Variants in PCDHGA2 observed in about 807,000 individuals in gnomAD.
PCDHGA2 encodes the protein protocadherin gamma-A2.
A neutral mutation model predicts 59.2 loss-of-function variants in PCDHGA2; 40 were observed. The ratio of observed to expected loss-of-function variants is 0.68; its 90% CI spans 0.52 to 0.88. The LOEUF is 0.88. Ranked by LOEUF, PCDHGA2 falls within the 40% of genes least tolerant of loss-of-function variation. The probability of loss-of-function intolerance (pLI) is 0.00; values close to 1 mark genes in which losing one functional copy is unlikely to be tolerated. For missense variants in PCDHGA2, 1,226 were observed against 1,204.0 expected, an observed-to-expected ratio of 1.02 and a Z score of -0.27; for synonymous variants, 560 against 526.0, an observed-to-expected ratio of 1.06 and a Z score of -0.89.
rs749822569 is a variant in PCDHGA2, at chr5:141,371,950, C to G, written c.2424+30555C>G. On this transcript the variant is annotated intron_variant, in intron 1 of 3. Coordinates refer to ENST00000394576, the MANE Select transcript of PCDHGA2 (RefSeq NM_018915.4). Reference sequence around the variant, plus strand: ...AGCGGGGTGGTGTTCGCGCAGCGAGCCTTCGACCACGAGCAGCTGCGTGCC... The same window carrying G: ...AGCGGGGTGGTGTTCGCGCAGCGAGGCTTCGACCACGAGCAGCTGCGTGCC... 3.1e-6 allele frequency: 5 copies of G among 1,613,168 alleles called. No homozygotes were observed. The highest frequency in any genetic ancestry group is 4.2e-6 in the Non-Finnish European group (5 of 1,179,884).
rs149806642 is a variant in PCDHGA2 at position 141,502,449 on chromosome 5, A to T, written c.2484-2944A>T. 7.7e-3 allele frequency among the ~76,000 whole-genome samples: 1,166 copies of T among 151,886 alleles called. 15 individuals carry two copies. The highest frequency in any genetic ancestry group is 0.027 in the African/African-American group (1,103 of 41,308). On this transcript the variant is annotated intron_variant, in intron 2 of 3. Coordinates refer to ENST00000394576, the MANE Select transcript of PCDHGA2 (RefSeq NM_018915.4). The stretch of plus-strand genomic sequence containing the variant: ...TCTGATGGTTAGATTCAGATTACAC[A>T]CCTTGGTAGGAATACTTCCCGCAGC...
Position 141,389,309 on chromosome 5 carries a change from T to G in PCDHGA2, c.2424+47914T>G, listed in dbSNP as rs763262842. Reference sequence around the variant, plus strand: ...CCTCTATTTCACAAGTCAGGGCTTCTGATCCGGACTTGGGGCCCAACGGCC... The same window carrying G: ...CCTCTATTTCACAAGTCAGGGCTTCGGATCCGGACTTGGGGCCCAACGGCC... On this transcript the variant is annotated intron_variant, in intron 1 of 3. Transcript: ENST00000394576. 8 of 1,614,018 alleles carry G rather than the reference T, an allele frequency of 5.0e-6. No individual in the cohort carries two copies. The South Asian group carries it at 5.5e-5, about 11-fold the overall frequency.
At chr5:141,419,934 T>C (rs1427601115) in intron 1 of PCDHGA2, 3 of 1,613,952 alleles carry the variant, frequency 1.9e-6, no homozygotes, top group Non-Finnish European at 2.5e-6. Flanking sequence ...CAGTTTTACC[T>C]GGTGGTGGCC....
chr5:141,465,643 C>T (rs561758040), intron 1 of PCDHGA2, among the ~76,000 whole-genome samples: 2 of 152,306 alleles, frequency 1.3e-5, no homozygotes, highest in East Asian at 3.9e-4. Flanking sequence ...ATGCTTTGAA[C>T]ATCCCAAAAA....
chr5:141,478,186 C>T, intron 1 of PCDHGA2: 2 of 1,614,016 alleles, frequency 1.2e-6, no homozygotes, highest in Non-Finnish European at 1.7e-6. Context: ...AAAAAAATCT[C>T]ACCTTTTATC....
chr5:141,413,914 A>G (rs776089620), intron 1 of PCDHGA2: 13 of 1,613,234 alleles, frequency 8.1e-6, no homozygotes. Flanking sequence ...GCCGGTCTTC[A>G]CCTTGCCAGA....
intron 1 of PCDHGA2, among the ~76,000 whole-genome samples, chr5:141,349,462 A>G (rs1403723777): frequency 6.6e-6 from 1 of 152,194 alleles, no homozygotes; most frequent in Non-Finnish European, 1.5e-5. Flanking sequence ...ATGTATGTGT[A>G]CCCCAACACT....
At chr5:141,345,530 G>T in intron 1 of PCDHGA2, 1 of 1,614,090 alleles carries the variant, frequency 6.2e-7, no homozygotes. Flanking sequence ...TCCAGGGGGC[G>T]CCCCTGTCCT....
intron 1 of PCDHGA2, chr5:141,350,089 C>T (rs1286662794): frequency 4.4e-6 from 2 of 452,318 alleles, no homozygotes. Context: ...GCAGGAGCGT[C>T]AGGCAGGGTG....
chr5:141,400,728 T>G (rs1293655070), intron 1 of PCDHGA2: 2 of 648,072 alleles, frequency 3.1e-6, no homozygotes, highest in Non-Finnish European at 5.2e-6. Flanking sequence ...ATTTACAAAG[T>G]AGTGAGAGTT....
intron 1 of PCDHGA2, among the ~76,000 whole-genome samples, chr5:141,454,750 T>C (rs992030704): frequency 1.3e-5 from 2 of 150,108 alleles, no homozygotes; most frequent in Admixed American, 6.7e-5. Flanking sequence ...GAGGCCAAAC[T>C]AATCTTGACA....
chr5:141,376,975 C>T (rs1216034593), intron 1 of PCDHGA2: 1 of 157,554 alleles, frequency 6.3e-6, no homozygotes, highest in African/African-American at 2.4e-5. Flanking sequence ...GCGTGAGCCA[C>T]CGCGCCCGGC....
intron 1 of PCDHGA2, chr5:141,423,607 A>T (rs777606404): frequency 6.2e-7 from 1 of 1,612,176 alleles, no homozygotes; most frequent in Admixed American, 1.7e-5. Flanking sequence ...GCCACTCTTG[A>T]TAGCTGAAGA....
At position 141,364,301 on chromosome 5, in the gene PCDHGA2, A is replaced by G. The variant is rs377380787; in HGVS notation, c.2424+22906A>G. ...TAAGGAAACAGCAGGCTGAACCAGAACTAAGAGAAAATTGGGCAGAGAGAA... is the reference window on the plus strand; with the variant it reads ...TAAGGAAACAGCAGGCTGAACCAGAGCTAAGAGAAAATTGGGCAGAGAGAA... On this transcript the variant is annotated intron_variant, in intron 1 of 3. Coordinates refer to ENST00000394576, the MANE Select transcript of PCDHGA2 (RefSeq NM_018915.4). 5 of 1,521,982 alleles carry G rather than the reference A, an allele frequency of 3.3e-6. No homozygotes were observed. In the African/African-American group the frequency reaches 5.6e-5, roughly 17 times the overall value. The allele number at this position is 1,521,982 out of a possible 1,614,324, so 94.3% of individuals were successfully genotyped here. A position where few individuals can be genotyped will look rare whatever the true frequency, so the allele number is the denominator to read the frequency against.
At chr5:141,494,638 A>G (rs2099755799) in intron 1 of PCDHGA2, 169 bp from the exon 2 acceptor site, 1 of 896,388 alleles carries the variant, frequency 1.1e-6, no homozygotes, top group African/African-American at 1.8e-5. Context: ...GACCTCTGAG[A>G]CCTGAGGTGT....
chr5:141,420,187 C>T (rs1369031488), intron 1 of PCDHGA2: 7 of 1,613,824 alleles, frequency 4.3e-6, no homozygotes, highest in Non-Finnish European at 5.9e-6. Context: ...ATTGTCCAGC[C>T]ACACAAGATA....
intron 1 of PCDHGA2, among the ~76,000 whole-genome samples, chr5:141,380,010 C>T (rs1404064282): frequency 6.7e-6 from 1 of 148,282 alleles, no homozygotes; most frequent in Admixed American, 6.9e-5. Flanking sequence ...AGCGATTCTC[C>T]TGCCTCAGCC....
chr5:141,418,712 G>A (rs1431536945), intron 1 of PCDHGA2: 1 of 1,613,976 alleles, frequency 6.2e-7, no homozygotes, highest in African/African-American at 1.3e-5. Context: ...CTTTGGTGTG[G>A]CTGACAAAGC....
rs966291038 is a variant in PCDHGA2, at chr5:141,487,740, G to A, written c.2425-7067G>A. 4 of 1,562,290 alleles carry A rather than the reference G, an allele frequency of 2.6e-6. No individual in the cohort carries two copies. The highest frequency in any genetic ancestry group is 1.7e-6 in the Non-Finnish European group (2 of 1,151,972). On this transcript the variant is annotated intron_variant, in intron 1 of 3. Transcript: ENST00000394576. The surrounding 1 kb of genome is among the most constrained non-coding windows in gnomAD (Gnocchi z 5.0). ...CATAGTGATGTCACCATTTTTGTAAGAGGTAACTATGTGGTAGACGCTGTG... is the reference window on the plus strand; with the variant it reads ...CATAGTGATGTCACCATTTTTGTAAAAGGTAACTATGTGGTAGACGCTGTG...
Sources: allele counts gnomAD v4.1 joint callset (sites outside exome capture counted in the v4.1 genomes callset), GRCh38; gene constraint gnomAD v4.1.1; non-coding constraint Gnocchi (gnomAD v3.1); transcripts MANE v1.5; gene names NCBI Gene and HGNC (gene_info 2026-07-23, HGNC 2026-07-21).